TMEM65: variants seen among roughly 807,000 people sequenced by gnomAD.
The protein encoded by TMEM65 is transmembrane protein 65.
A neutral mutation model predicts 25.4 loss-of-function variants in TMEM65; 22 were observed. That is an observed-to-expected ratio of 0.86 (90% CI 0.62 to 1.23). TMEM65 has a LOEUF of 1.23. TMEM65 is among the 50% of genes most tolerant of loss of function. The probability of loss-of-function intolerance (pLI) is 0.00; values close to 1 mark genes in which losing one functional copy is unlikely to be tolerated. For missense variants in TMEM65, 262 were observed against 308.2 expected, an observed-to-expected ratio of 0.85 and a Z score of 1.12; for synonymous variants, 132 against 126.2, an observed-to-expected ratio of 1.05 and a Z score of -0.31.
intron 1 of TMEM65, among the ~76,000 whole-genome samples, chr8:124,363,696 G>A (rs1445411673): frequency 6.6e-6 from 1 of 151,668 alleles, no homozygotes; most frequent in Non-Finnish European, 1.5e-5. Flanking sequence ...AATTAGCCGG[G>A]CGTAGTGGCG....
At position 124,371,993 on chromosome 8, in the gene TMEM65, G is replaced by A. The variant is rs1463774454; in HGVS notation, c.165C>T (p.Gly55=). The A allele has an allele frequency of 2.1e-6, 3 of 1,402,842 alleles. No homozygotes were observed. The highest frequency in any genetic ancestry group is 1.5e-5 in the African/African-American group (1 of 66,864). The allele number at this position is 1,402,842 out of a possible 1,614,324, so 86.9% of individuals were successfully genotyped here. A position where few individuals can be genotyped will look rare whatever the true frequency, so the allele number is the denominator to read the frequency against. Residue 55 remains glycine, a synonymous_variant, in exon 1 of 7, where the codon GGC becomes GGT. Coordinates refer to ENST00000297632, the MANE Select transcript of TMEM65 (RefSeq NM_194291.3). ...CCATGGGCTCCTTCTTGGGGTGCGT[G>A]CCCAGCCGCCTGGGGCCGCCCGGCA... The part of the protein sequence containing the change: ...GGLPGGPRRL[G]THPKKEPMEA...
rs774766203 is a variant in TMEM65, at chr8:124,322,197, A to G, written c.473-50T>C. On this transcript the variant is annotated intron_variant, in intron 4 of 6. Coordinates refer to ENST00000297632, the MANE Select transcript of TMEM65 (RefSeq NM_194291.3). ...TGTTACATAAAAGAATAATAATTAT[A>G]TCACTATGTAATCAATAAAGCACTG... 4 of 1,354,202 alleles carry G rather than the reference A, an allele frequency of 3.0e-6. No individual in the cohort carries two copies. The South Asian group carries it at 4.9e-5, about 17-fold the overall frequency. The allele number at this position is 1,354,202 out of a possible 1,614,324, so 83.9% of individuals were successfully genotyped here. A position where few individuals can be genotyped will look rare whatever the true frequency, so the allele number is the denominator to read the frequency against.
intron 1 of TMEM65, among the ~76,000 whole-genome samples, chr8:124,352,821 G>A (rs1168086329): frequency 6.6e-6 from 1 of 152,048 alleles, no homozygotes; most frequent in Non-Finnish European, 1.5e-5. Flanking sequence ...GGTTGGTCTG[G>A]TATAAGGTGT....
intron 1 of TMEM65, among the ~76,000 whole-genome samples, chr8:124,334,987 T>G (rs142551223): frequency 2.2e-3 from 341 of 152,104 alleles, no homozygotes; most frequent in Non-Finnish European, 3.9e-3. Context: ...TGCTAATATA[T>G]GTATGATTGT....
intron 2 of TMEM65, among the ~76,000 whole-genome samples, chr8:124,328,124 T>C (rs954294743): frequency 1.3e-5 from 2 of 152,048 alleles, no homozygotes; most frequent in African/African-American, 2.4e-5. Flanking sequence ...TCTGAGATAT[T>C]AGAAGTGTAA....
chr8:124,346,374 ATC>A (rs1814640694), intron 1 of TMEM65, among the ~76,000 whole-genome samples: 1 of 152,190 alleles, frequency 6.6e-6, no homozygotes. Context: ...GGGTGTGTAA[ATC>A]CATACTTGAA....
At chr8:124,339,381 G>C (rs994626915) in intron 1 of TMEM65, among the ~76,000 whole-genome samples, 1 of 150,850 alleles carries the variant, frequency 6.6e-6, no homozygotes, top group Non-Finnish European at 1.5e-5. Context: ...AGTTATTTCT[G>C]TATATAATTT....
intron 1 of TMEM65, among the ~76,000 whole-genome samples, chr8:124,348,222 C>T (rs1814662978): frequency 6.6e-6 from 1 of 152,152 alleles, no homozygotes; most frequent in South Asian, 2.1e-4. Context: ...GCTGGGATTA[C>T]AGGCGTGAGC....
chr8:124,342,562 C>T (rs569246084), intron 1 of TMEM65, among the ~76,000 whole-genome samples: 1 of 152,158 alleles, frequency 6.6e-6, no homozygotes, highest in South Asian at 2.1e-4. Context: ...GTGCTATGCA[C>T]CTGAATTAGA....
chr8:124,328,964 C>T (rs924212008), intron 2 of TMEM65, among the ~76,000 whole-genome samples: 8 of 151,706 alleles, frequency 5.3e-5, no homozygotes, highest in Non-Finnish European at 7.4e-5. Context: ...ACTAAGACCA[C>T]GGGACAATAC....
rs1230673335 is a variant in TMEM65, at chr8:124,366,740, T to TTGATTACA, written c.304+5113_304+5114insTGTAATCA. On this transcript the variant is annotated intron_variant, in intron 1 of 6. Coordinates refer to ENST00000297632, the MANE Select transcript of TMEM65 (RefSeq NM_194291.3). ...AAAAAAAAAAACTTTACTTGATTACTTGATTATCTGTCTTCTACTGGCAGT... is the reference window on the plus strand; with the variant it reads ...AAAAAAAAAAACTTTACTTGATTACTTGATTACATGATTATCTGTCTTCTACTGGCAGT... Among the ~76,000 whole-genome samples the TTGATTACA allele has an allele frequency of 1.2e-4, 18 of 152,116 alleles. No individual in the cohort carries two copies. In the East Asian group the frequency reaches 3.5e-3, roughly 29 times the overall value.
Position 124,313,922 on chromosome 8 carries a change from A to T in TMEM65, c.*38T>A. ...TGACAGCATATTTAATTACTGAGGT[A>T]CATTAGTTTACATCTTTTTATAGGT... On this transcript the variant is annotated 3_prime_UTR_variant, in exon 7 of 7. Coordinates refer to ENST00000297632, the MANE Select transcript of TMEM65 (RefSeq NM_194291.3). The T allele has an allele frequency of 7.4e-7, 1 of 1,345,002 alleles. No individual in the cohort carries two copies. The allele number at this position is 1,345,002 out of a possible 1,614,324, so 83.3% of individuals were successfully genotyped here.
chr8:124,372,662 A>AACC lies in TMEM65; in HGVS notation c.-506_-505insGGT. ...CAAAGCAGCCGCGCTCCCGAGCCGC[A>AACC]GCCGCCGCCGCCGCCGCTACCCCTA... On this transcript the variant is annotated 5_prime_UTR_variant, in exon 1 of 7. Coordinates refer to ENST00000297632, the MANE Select transcript of TMEM65 (RefSeq NM_194291.3). 1 of 160,892 alleles carries AACC rather than the reference A, an allele frequency of 6.2e-6. No individual in the cohort carries two copies. The highest frequency in any genetic ancestry group is 1.5e-4 in the South Asian group (1 of 6,480). The allele number at this position is 160,892 out of a possible 1,614,324, so 10.0% of individuals were successfully genotyped here.
intron 1 of TMEM65, among the ~76,000 whole-genome samples, chr8:124,333,470 C>CATGT (rs1554589073): frequency 1.3e-5 from 2 of 149,138 alleles, no homozygotes; most frequent in East Asian, 2.0e-4. Context: ...TGTGTGTGTG[C>CATGT]GTGTGTGTGT....
intron 1 of TMEM65, among the ~76,000 whole-genome samples, chr8:124,332,898 C>T (rs1271876876): frequency 6.6e-6 from 1 of 152,020 alleles, no homozygotes; most frequent in Non-Finnish European, 1.5e-5. Flanking sequence ...CTCCACCTCC[C>T]AGATTTAAGC....
chr8:124,359,515 G>GCAGAT (rs1814832688), intron 1 of TMEM65, among the ~76,000 whole-genome samples: 1 of 152,150 alleles, frequency 6.6e-6, no homozygotes, highest in African/African-American at 2.4e-5. Context: ...ACCATGGCAG[G>GCAGAT]CAGATCCCTT....
At chr8:124,348,242 T>G (rs919528615) in intron 1 of TMEM65, among the ~76,000 whole-genome samples, 1 of 150,742 alleles carries the variant, frequency 6.6e-6, no homozygotes, top group East Asian at 2.0e-4. Flanking sequence ...CCACCGTGCC[T>G]GGCCAATAAT....
chr8:124,316,938 C>T (rs775547770), intron 6 of TMEM65, among the ~76,000 whole-genome samples: 2 of 152,086 alleles, frequency 1.3e-5, no homozygotes, highest in African/African-American at 2.4e-5. Flanking sequence ...GTAAAAATTA[C>T]AACAAGCAAA....
Position 124,340,717 on chromosome 8 carries a change from T to G in TMEM65, c.305-9925A>C, listed in dbSNP as rs377628584. 8.5e-5 allele frequency among the ~76,000 whole-genome samples: 13 copies of G among 152,218 alleles called. No individual in the cohort carries two copies. In the South Asian group the frequency reaches 2.7e-3, roughly 32 times the overall value. ...TAAAAACGAGTGAGTTAAATAGAGA[T>G]AAAAGTCCCATGTGAACGATGTCTT... On this transcript the variant is annotated intron_variant, in intron 1 of 6. Coordinates refer to ENST00000297632, the MANE Select transcript of TMEM65 (RefSeq NM_194291.3).
Sources: allele counts gnomAD v4.1 joint callset (sites outside exome capture counted in the v4.1 genomes callset), GRCh38; gene constraint gnomAD v4.1.1; transcripts MANE v1.5; gene names NCBI Gene and HGNC (gene_info 2026-07-23, HGNC 2026-07-21).